Variants in MYH10 observed in about 807,000 individuals in gnomAD.
The protein encoded by MYH10 is myosin heavy chain 10, also known as myosin-10.
A neutral mutation model predicts 257.8 loss-of-function variants in MYH10; 55 were observed. The ratio of observed to expected loss-of-function variants is 0.21; its 90% CI spans 0.17 to 0.27. MYH10 has a LOEUF of 0.27. Among genes scored for constraint, MYH10 ranks in the 10% least tolerant of loss-of-function variants. The probability of loss-of-function intolerance (pLI) is 1.00; values close to 1 mark genes in which losing one functional copy is unlikely to be tolerated. For synonymous variants in MYH10, 854 were observed against 921.7 expected, an observed-to-expected ratio of 0.93 and a Z score of 1.33; for missense variants, 1,631 against 2,500.6, an observed-to-expected ratio of 0.65 and a Z score of 7.42.
In MYH10 at chr17:8,490,315, G is replaced by A. The variant is rs1463599014; in HGVS notation, c.4884+25C>T. 4 of 1,607,930 alleles carry A rather than the reference G, an allele frequency of 2.5e-6. No individual in the cohort carries two copies. The African/African-American group carries it at 5.3e-5, about 21-fold the overall frequency. ...GCTTTGAGAGCCTGCACCCCTTGTT[G>A]TGGAGGCCGCACCCTCTGCCCTACC... On this transcript the variant is annotated intron_variant, in intron 35 of 42. Coordinates refer to ENST00000360416, the MANE Select transcript of MYH10 (RefSeq NM_001256012.3). The surrounding 1 kb of genome is among the most constrained non-coding windows in gnomAD (Gnocchi z 4.1).
In MYH10 at chr17:8,490,837, C is replaced by T. The variant is rs1915653226; in HGVS notation, c.4672-285G>A. On this transcript the variant is annotated intron_variant, in intron 34 of 42. Coordinates refer to ENST00000360416, the MANE Select transcript of MYH10 (RefSeq NM_001256012.3). This position sits in a 1 kb window ranked among gnomAD's most constrained non-coding sequence, Gnocchi z 4.1. ...TTTAAGCTGAGAGCTCTTCAGTGAGCCAAAGAACAAAGGAAACAGCCATGT... is the reference window on the plus strand; with the variant it reads ...TTTAAGCTGAGAGCTCTTCAGTGAGTCAAAGAACAAAGGAAACAGCCATGT... 1.3e-5 allele frequency among the ~76,000 whole-genome samples: 2 copies of T among 152,168 alleles called. No individual in the cohort carries two copies. Among genetic ancestry groups the T allele is most frequent in the Admixed American group, 1.3e-4 (2 of 15,282 alleles).
rs1307836083 is a variant in MYH10 at position 8,577,286 on chromosome 17, G to A, written c.583C>T (p.Leu195Phe). 1.2e-6 allele frequency: 2 copies of A among 1,612,638 alleles called. No individual in the cohort carries two copies. Among genetic ancestry groups the A allele is most frequent in the East Asian group, 2.2e-5 (1 of 44,868 alleles). The change falls in exon 5 of 43, where the codon CTT becomes TTT. Residue 195 changes from leucine to phenylalanine, a missense_variant. Around this residue, in one of 11 missense-constraint regions of MYH10, gnomAD observed 360 missense variants for 581.9 expected, o/e 0.62. Coordinates refer to ENST00000360416, the MANE Select transcript of MYH10 (RefSeq NM_001256012.3). ...TTATGTGAAGAAGCAACATGGGCAA[G>A]GTACTGAATAACTTTCTTTGTATTT... ...TENTKKVIQY[L>F]AHVASSHKGR...
At chr17:8,538,897 C>T (rs1030059885) in intron 14 of MYH10, among the ~76,000 whole-genome samples, 4 of 152,098 alleles carry the variant, frequency 2.6e-5, no homozygotes, top group East Asian at 1.9e-4. Context: ...CTAATGCAGC[C>T]GTGTTGAGAG....
At chr17:8,478,532 G>A (rs768711838) in intron 40 of MYH10, 86 bp from the exon 41 acceptor site, 56 of 1,255,444 alleles carry the variant, frequency 4.5e-5, no homozygotes, top group Non-Finnish European at 6.4e-5. Context: ...CTTTTCTTTG[G>A]GAAGATGACA....
chr17:8,541,042 C>A (rs1032927151), intron 14 of MYH10, among the ~76,000 whole-genome samples: 5 of 152,312 alleles, frequency 3.3e-5, no homozygotes, highest in Admixed American at 3.3e-4. Flanking sequence ...TGAAAATTTT[C>A]TATTGCTTTC....
At chr17:8,604,247 T>C (rs1372544041) in intron 3 of MYH10, among the ~76,000 whole-genome samples, 3 of 152,150 alleles carry the variant, frequency 2.0e-5, no homozygotes, top group Admixed American at 2.0e-4. Flanking sequence ...ATAATATTAA[T>C]TGCATTCAAA....
At chr17:8,533,596 C>T (rs1330022730) in intron 16 of MYH10, among the ~76,000 whole-genome samples, 4 of 152,208 alleles carry the variant, frequency 2.6e-5, no homozygotes, top group African/African-American at 9.7e-5. Flanking sequence ...AGTAGGTGCT[C>T]AGGAGATGTT....
At chr17:8,488,801 C>T (rs1915294116) in intron 35 of MYH10, among the ~76,000 whole-genome samples, 1 of 152,112 alleles carries the variant, frequency 6.6e-6, no homozygotes, top group African/African-American at 2.4e-5. Context: ...CATCTGCTTG[C>T]TGTGTTCTGC....
intron 7 of MYH10, among the ~76,000 whole-genome samples, chr17:8,559,379 C>A (rs1473907261): frequency 6.7e-6 from 1 of 150,216 alleles, no homozygotes; most frequent in Admixed American, 6.7e-5. Context: ...TTCTTTCATA[C>A]CTACTTGAAA....
intron 3 of MYH10, among the ~76,000 whole-genome samples, chr17:8,594,914 T>C (rs774739163): frequency 1.3e-5 from 2 of 152,210 alleles, no homozygotes; most frequent in Non-Finnish European, 2.9e-5. Flanking sequence ...CAACCATCCA[T>C]TATTTTCCCC....
chr17:8,623,533 A>C (rs2085549171), intron 1 of MYH10: 1 of 208,400 alleles, frequency 4.8e-6, no homozygotes, highest in African/African-American at 2.3e-5. Context: ...AGAAAAGAAA[A>C]GGCAAAGTTA....
chr17:8,492,612 T>G, intron 33 of MYH10, 103 bp from the exon 34 acceptor site: 1 of 1,285,802 alleles, frequency 7.8e-7, no homozygotes, highest in Non-Finnish European at 1.0e-6. Context: ...GCCACTAGAT[T>G]ATGGTGTTCT....
At position 8,476,075 on chromosome 17, in the gene MYH10, G is replaced by A; in HGVS notation, c.5880-127C>T. On this transcript the variant is annotated intron_variant, in intron 42 of 42. Transcript: ENST00000360416. ...CCCTCCTCGGACACACGACCTTGTGGGGGTGGCGGTACGATGGGGAAGGAC... is the reference window on the plus strand; with the variant it reads ...CCCTCCTCGGACACACGACCTTGTGAGGGTGGCGGTACGATGGGGAAGGAC... 1.8e-6 allele frequency: 2 copies of A among 1,113,918 alleles called. 1 individual carries two copies. Among genetic ancestry groups the A allele is most frequent in the South Asian group, 3.1e-5 (2 of 63,610 alleles). The allele number at this position is 1,113,918 out of a possible 1,614,324, so 69.0% of individuals were successfully genotyped here. A position where few individuals can be genotyped will look rare whatever the true frequency, so the allele number is the denominator to read the frequency against.
rs551198196 is a variant in MYH10, at chr17:8,545,669, G to A, written c.1279-69C>T. On this transcript the variant is annotated intron_variant, in intron 12 of 42. Coordinates refer to ENST00000360416, the MANE Select transcript of MYH10 (RefSeq NM_001256012.3). The surrounding 1 kb of genome is among the most constrained non-coding windows in gnomAD (Gnocchi z 4.7). ...AACAAAGCATAAATAGCTGTTTTAC[G>A]GAATTTAATGTTATACAGCACTCAA... The A allele has an allele frequency of 2.6e-5, 39 of 1,518,472 alleles. No individual in the cohort carries two copies. Among genetic ancestry groups the A allele is most frequent in the Non-Finnish European group, 3.4e-5 (38 of 1,121,480 alleles). The allele number at this position is 1,518,472 out of a possible 1,614,324, so 94.1% of individuals were successfully genotyped here.
rs73248079 is a variant in MYH10, at chr17:8,544,213, T to C, written c.1431+1235A>G. 4.7e-3 allele frequency among the ~76,000 whole-genome samples: 712 copies of C among 152,316 alleles called. 8 individuals are homozygous for C. Among genetic ancestry groups the C allele is most frequent in the African/African-American group, 0.017 (688 of 41,568 alleles). ...GACAAATAACACTCACTGAACAACT[T>C]AGCATTTTTACCATCTACATAAATG... On this transcript the variant is annotated intron_variant, in intron 13 of 42. Transcript: ENST00000360416.
In MYH10 at chr17:8,513,783, C is replaced by T. The variant is rs1021685642; in HGVS notation, c.2613+3G>A. The T allele has an allele frequency of 2.5e-6, 4 of 1,614,002 alleles. No homozygotes were observed. The highest frequency in any genetic ancestry group is 3.4e-6 in the Non-Finnish European group (4 of 1,179,984). ...GATCTGGAAAGAAGTGAGCCAAGCTCACCTTTGTGAAGACTCGCCACCACT... is the reference window on the plus strand; with the variant it reads ...GATCTGGAAAGAAGTGAGCCAAGCTTACCTTTGTGAAGACTCGCCACCACT... On this transcript the variant is annotated splice_donor_region_variant and intron_variant, in intron 22 of 42. Transcript: ENST00000360416.
At chr17:8,546,292 C>T (rs2082441402) in intron 12 of MYH10, among the ~76,000 whole-genome samples, 1 of 152,046 alleles carries the variant, frequency 6.6e-6, no homozygotes, top group Non-Finnish European at 1.5e-5. Context: ...CTCCTGACCT[C>T]AGGTGATCTG....
intron 16 of MYH10, 119 bp from the exon 17 acceptor site, chr17:8,530,804 T>TC: frequency 1.4e-6 from 1 of 695,282 alleles, no homozygotes; most frequent in Non-Finnish European, 2.4e-6. Context: ...AAGGAGCTAG[T>TC]CCAAGGCAGA....
intron 4 of MYH10, among the ~76,000 whole-genome samples, chr17:8,582,957 A>G (rs1311578969): frequency 6.6e-6 from 1 of 152,204 alleles, no homozygotes; most frequent in South Asian, 2.1e-4. Flanking sequence ...AAAACACCAG[A>G]TACATATTAC....
Sources: gnomAD v4.1 joint callset for allele counts (sites outside exome capture counted in the v4.1 genomes callset) on GRCh38, gnomAD v4.1.1 for gene constraint, gnomAD v4.1.1 regional missense constraint, Gnocchi (gnomAD v3.1) non-coding constraint, MANE v1.5 for transcripts, NCBI Gene and HGNC (gene_info 2026-07-23, HGNC 2026-07-21) for gene names.